The following NOS1AP variants were observed in gnomAD, a reference collection of about 807,000 sequenced individuals.
NOS1AP encodes the protein nitric oxide synthase 1 adaptor protein.
Under a neutral mutation model 56.2 loss-of-function variants are expected in NOS1AP, and 21 were observed. The observed-to-expected ratio is 0.37, with a 90% CI of 0.26 to 0.54. NOS1AP has a LOEUF of 0.54. NOS1AP is among the 20% of genes least tolerant of loss of function. The pLI is 0.84. For missense variants in NOS1AP, 522 were observed against 657.8 expected (o/e 0.79, Z 2.26); for synonymous variants, 270 against 274.6 (o/e 0.98, Z 0.17).
chr1:162,070,311 T>A (rs1691633797), intron 1 of NOS1AP, 29 bp downstream of exon 1: 1 of 1,567,634 alleles, frequency 6.4e-7, no homozygotes, highest in African/African-American at 1.4e-5. Flanking sequence ...GGGTGCTACC[T>A]GTGGTGGCGG....
chr1:162,107,428 G>A (rs12033159), intron 1 of NOS1AP, among the ~76,000 whole-genome samples: 34,898 of 152,132 alleles, frequency 0.23, 4,888 homozygotes, highest in South Asian at 0.56. Context: ...CAAACTCCTA[G>A]GCTCAAGTGA....
rs72713892 is a variant in NOS1AP at position 162,127,485 on chromosome 1, C to T, written c.106-26920C>T. Among the ~76,000 whole-genome samples the T allele has an allele frequency of 8.6e-3, 1,296 of 150,324 alleles. 11 individuals carry two copies. The highest frequency in any genetic ancestry group is 0.023 in the South Asian group (108 of 4,776). Reference sequence around the variant, plus strand: ...AACATCCTAAATGTATTAGTTCGTTCTTGCATTGCCATAAAGAAATAACCT... The same window carrying T: ...AACATCCTAAATGTATTAGTTCGTTTTTGCATTGCCATAAAGAAATAACCT... On this transcript the variant is annotated intron_variant, in intron 1 of 9. Coordinates refer to ENST00000361897, the MANE Select transcript of NOS1AP (RefSeq NM_014697.3).
At chr1:162,336,966 C>A (rs1284750650) in intron 5 of NOS1AP, among the ~76,000 whole-genome samples, 1 of 152,172 alleles carries the variant, frequency 6.6e-6, no homozygotes, top group Non-Finnish European at 1.5e-5. Context: ...AGTGGAGATG[C>A]TTGCTAATAA....
intron 2 of NOS1AP, among the ~76,000 whole-genome samples, chr1:162,239,248 C>T (rs1304350444): frequency 6.6e-6 from 1 of 152,136 alleles, no homozygotes; most frequent in Non-Finnish European, 1.5e-5. Context: ...GCAGGTGCCT[C>T]TAGGAGAGCC....
chr1:162,281,464 C>A (rs1654924362), intron 2 of NOS1AP, among the ~76,000 whole-genome samples: 1 of 152,124 alleles, frequency 6.6e-6, no homozygotes, highest in Non-Finnish European at 1.5e-5. Flanking sequence ...AATAAATAAT[C>A]AACCAATCAA....
intron 1 of NOS1AP, among the ~76,000 whole-genome samples, chr1:162,098,440 T>C (rs1352167426): frequency 2.0e-5 from 3 of 152,130 alleles, no homozygotes; most frequent in Non-Finnish European, 4.4e-5. Context: ...ATCTACCTTT[T>C]GTTGGATTGA....
At chr1:162,092,970 C>A (rs1209097659) in intron 1 of NOS1AP, among the ~76,000 whole-genome samples, 3 of 152,188 alleles carry the variant, frequency 2.0e-5, no homozygotes, top group Admixed American at 2.0e-4. Context: ...TTTTCTTTTG[C>A]AGTTTATCTA....
At chr1:162,157,278 T>C (rs901880456) in intron 2 of NOS1AP, 1 of 152,648 alleles carries the variant, frequency 6.6e-6, no homozygotes, top group African/African-American at 2.4e-5. Flanking sequence ...GAGCAATTAA[T>C]TGGCCAGAAA....
chr1:162,247,109 A>G (rs1284104408), intron 2 of NOS1AP, among the ~76,000 whole-genome samples: 1 of 151,736 alleles, frequency 6.6e-6, no homozygotes, highest in Admixed American at 6.6e-5. Flanking sequence ...ATTAATAGAA[A>G]CCTGTATATA....
Position 162,299,202 on chromosome 1 carries a change from T to TA in NOS1AP, c.271-1424dup, listed in dbSNP as rs539993523. Among the ~76,000 whole-genome samples the TA allele has an allele frequency of 1.1e-3, 167 of 152,258 alleles. 3 individuals carry two copies. The highest frequency in any genetic ancestry group is 3.8e-3 in the African/African-American group (158 of 41,540). ...TAATGTGTGCTCATTATGAGGTCAT[T>TA]AAAAAAACTGCTATAAACCAATCTG... On this transcript the variant is annotated intron_variant, in intron 3 of 9. Transcript: ENST00000361897.
intron 2 of NOS1AP, among the ~76,000 whole-genome samples, chr1:162,262,888 A>G (rs1159679955): frequency 6.6e-6 from 1 of 152,192 alleles, no homozygotes; most frequent in East Asian, 1.9e-4. Context: ...ATGATTTTCA[A>G]AAGAATTGCT....
chr1:162,302,902 A>G (rs1420666047), intron 4 of NOS1AP, among the ~76,000 whole-genome samples: 1 of 152,234 alleles, frequency 6.6e-6, no homozygotes, highest in African/African-American at 2.4e-5. Context: ...TTGTGTAAAT[A>G]GAATCAACAG....
In NOS1AP at chr1:162,367,486, T is replaced by C; in HGVS notation, c.*19T>C. The stretch of plus-strand genomic sequence containing the variant: ...CGTGTAGGTGCCGAGGGCGAGGAGA[T>C]GGAGGCGGCGGCGTGGCTGGAGGGG... On this transcript the variant is annotated 3_prime_UTR_variant, in exon 10 of 10. Transcript: ENST00000361897. This position sits in a 1 kb window ranked among gnomAD's most constrained non-coding sequence, Gnocchi z 6.5. 1 of 1,536,686 alleles carries C rather than the reference T, an allele frequency of 6.5e-7. No homozygotes were observed. Among genetic ancestry groups the C allele is most frequent in the South Asian group, 1.2e-5 (1 of 84,036 alleles).
chr1:162,249,144 A>G (rs1019317695), intron 2 of NOS1AP, among the ~76,000 whole-genome samples: 1 of 152,130 alleles, frequency 6.6e-6, no homozygotes, highest in Non-Finnish European at 1.5e-5. Context: ...CCTGATGCCC[A>G]TGGCACTTTG....
chr1:162,255,005 T>C (rs1464240593), intron 2 of NOS1AP, among the ~76,000 whole-genome samples: 1 of 152,210 alleles, frequency 6.6e-6, no homozygotes, highest in Non-Finnish European at 1.5e-5. Flanking sequence ...AGTTTGGACG[T>C]TCTATGATGT....
At chr1:162,358,209 T>C (rs965671325) in intron 8 of NOS1AP, among the ~76,000 whole-genome samples, 10 of 152,196 alleles carry the variant, frequency 6.6e-5, no homozygotes, top group Non-Finnish European at 7.3e-5. Context: ...TCCTGGCTCT[T>C]GAGTGGACTG....
intron 2 of NOS1AP, among the ~76,000 whole-genome samples, chr1:162,262,176 A>G (rs1446329502): frequency 6.6e-6 from 1 of 152,216 alleles, no homozygotes; most frequent in Non-Finnish European, 1.5e-5. Context: ...GGTTTCCTGC[A>G]GCCTTTGCTT....
chr1:162,243,915 G>A (rs1030166136), intron 2 of NOS1AP, among the ~76,000 whole-genome samples: 2 of 152,104 alleles, frequency 1.3e-5, no homozygotes, highest in Admixed American at 1.3e-4. Context: ...ATTCAGCGTT[G>A]GTATTGCCTG....
At chr1:162,328,771 G>A (rs1445043414) in intron 4 of NOS1AP, among the ~76,000 whole-genome samples, 1 of 152,210 alleles carries the variant, frequency 6.6e-6, no homozygotes, top group African/African-American at 2.4e-5. Flanking sequence ...CAGTCAACAT[G>A]AGGGAAAATT....
Sources: allele counts gnomAD v4.1 joint callset (sites outside exome capture counted in the v4.1 genomes callset), GRCh38; gene constraint gnomAD v4.1.1; non-coding constraint Gnocchi (gnomAD v3.1); transcripts MANE v1.5; gene names NCBI Gene and HGNC (gene_info 2026-07-23, HGNC 2026-07-21).